Variants in NLRP4 observed in about 807,000 individuals in gnomAD.
The protein encoded by NLRP4 is NLR family pyrin domain containing 4.
Under a neutral mutation model 84.7 loss-of-function variants are expected in NLRP4, and 44 were observed. That is an observed-to-expected ratio of 0.52 (90% CI 0.41 to 0.67). The LOEUF is 0.67. Ranked by LOEUF, NLRP4 falls within the 30% of genes least tolerant of loss-of-function variation. The pLI is 0.00. For missense variants in NLRP4, 1,260 were observed against 1,219.4 expected (o/e 1.03, Z -0.50); for synonymous variants, 544 against 476.4 (o/e 1.14, Z -1.85).
rs1319991159 is a variant in NLRP4 at position 55,867,755 on chromosome 19, G to A, written c.2233G>A (p.Gly745Ser). ...ACCCATTGATTGTGAAGTCCTTGCT[G>A]GCCTTCTAACCAACAACAAGAAGCT... ...LSPIDCEVLA[G>S]LLTNNKKLTY... The change falls in exon 6 of 10, where the codon GGC becomes AGC. Residue 745 changes from glycine (G) to serine (S), a missense_variant. By Grantham distance (56) the Gly-to-Ser change is moderately conservative (BLOSUM62 0). This residue lies in a region of NLRP4 where 544 missense variants were observed against 531.7 expected (regional missense o/e 1.02). Transcript: ENST00000301295. The A allele has an allele frequency of 6.2e-7, 1 of 1,614,084 alleles. No individual in the cohort carries two copies. Among genetic ancestry groups the A allele is most frequent in the Non-Finnish European group, 8.5e-7 (1 of 1,179,948 alleles).
At chr19:55,849,338 A>G (rs890418444) in intron 1 of NLRP4, among the ~76,000 whole-genome samples, 1 of 152,206 alleles carries the variant, frequency 6.6e-6, no homozygotes, top group African/African-American at 2.4e-5. Context: ...AGGCCCTTGC[A>G]TGAGTGTGAC....
intron 3 of NLRP4, 47 bp downstream of exon 3, chr19:55,859,296 A>G (rs1176258858): frequency 6.7e-7 from 1 of 1,496,356 alleles, no homozygotes; most frequent in African/African-American, 1.4e-5. Flanking sequence ...ATCTGTCTGT[A>G]TTCCCAAGTG....
chr19:55,858,982 A>G lies in NLRP4; in HGVS notation c.1589A>G (p.Gln530Arg), dbSNP rs1445644079. The change falls in exon 3 of 10, where the codon CAA (glutamine) becomes CGA (arginine). Residue 530 changes from glutamine to arginine, a missense_variant. By Grantham distance (43) the Gln-to-Arg change is conservative. Coordinates refer to ENST00000301295, the MANE Select transcript of NLRP4 (RefSeq NM_134444.5). The surrounding 1 kb of genome is among the most constrained non-coding windows in gnomAD (Gnocchi z 4.2). ...CAACTGTCCCAAGAGATAAAGCAGCAAATTCACCAGTGCCTGAAGAGCTTA... is the reference window on the plus strand; with the variant it reads ...CAACTGTCCCAAGAGATAAAGCAGCGAATTCACCAGTGCCTGAAGAGCTTA... ...GFQLSQEIKQ[Q>R]IHQCLKSLGE... 3 of 1,614,236 alleles carry G rather than the reference A, an allele frequency of 1.9e-6. No homozygotes were observed. The highest frequency in any genetic ancestry group is 2.5e-6 in the Non-Finnish European group (3 of 1,180,036).
chr19:55,852,394 T>G (rs374839775), intron 2 of NLRP4, 34 bp downstream of exon 2: 3 of 1,464,192 alleles, frequency 2.0e-6, no homozygotes, highest in Non-Finnish European at 1.9e-6. Flanking sequence ...AGCCTTCTTA[T>G]AATGAGGACT....
intron 8 of NLRP4, among the ~76,000 whole-genome samples, chr19:55,878,400 A>G (rs1985448795): frequency 6.6e-6 from 1 of 152,204 alleles, no homozygotes; most frequent in African/African-American, 2.4e-5. Context: ...AGCCAGGATG[A>G]CAGAGACCCC....
At chr19:55,868,335 G>T (rs570712582) in intron 6 of NLRP4, among the ~76,000 whole-genome samples, 2 of 152,252 alleles carry the variant, frequency 1.3e-5, no homozygotes, top group South Asian at 4.1e-4. Flanking sequence ...GCAGTAATAG[G>T]ATGAGAAGAG....
At chr19:55,869,304 C>T (rs1045364028) in intron 6 of NLRP4, among the ~76,000 whole-genome samples, 5 of 151,372 alleles carry the variant, frequency 3.3e-5, no homozygotes, top group Admixed American at 6.6e-5. Flanking sequence ...GCAGAGGTTG[C>T]AGTGAGCCGA....
intron 1 of NLRP4, among the ~76,000 whole-genome samples, chr19:55,847,044 C>T (rs953891363): frequency 4.6e-5 from 7 of 152,108 alleles, no homozygotes; most frequent in African/African-American, 1.7e-4. Context: ...CATGCCTCAG[C>T]CTCCTGAGTA....
Position 55,858,738 on chromosome 19 carries a change from G to A in NLRP4, c.1345G>A (p.Val449Met), listed in dbSNP as rs774256211. 18 of 1,614,164 alleles carry A rather than the reference G, an allele frequency of 1.1e-5. No individual in the cohort carries two copies. Among genetic ancestry groups the A allele is most frequent in the Middle Eastern group, 1.6e-4 (1 of 6,062 alleles). ...LKYGERESSY[V>M]FLHVCIQEFC... ...GTACGGGGAGCGTGAGAGCTCCTACGTGTTCCTCCACGTGTGTATCCAGGA... is the reference window on the plus strand; with the variant it reads ...GTACGGGGAGCGTGAGAGCTCCTACATGTTCCTCCACGTGTGTATCCAGGA... Residue 449 changes from valine to methionine, a missense_variant, in exon 3 of 10, where the codon GTG (valine) becomes ATG (methionine). Transcript: ENST00000301295. The surrounding 1 kb of genome is among the most constrained non-coding windows in gnomAD (Gnocchi z 4.2).
At position 55,867,782 on chromosome 19, in the gene NLRP4, A is replaced by G. The variant is rs1477149751; in HGVS notation, c.2260A>G (p.Thr754Ala). Residue 754 changes from threonine to alanine, a missense_variant, in exon 6 of 10, where the codon ACG becomes GCG. Coordinates refer to ENST00000301295, the MANE Select transcript of NLRP4 (RefSeq NM_134444.5). ...AGLLTNNKKL[T>A]YLNVSCNQLD... Reference sequence around the variant, plus strand: ...CCTTCTAACCAACAACAAGAAGCTGACGTATCTGAATGTATCCTGCAACCA... The same window carrying G: ...CCTTCTAACCAACAACAAGAAGCTGGCGTATCTGAATGTATCCTGCAACCA... 1.2e-6 allele frequency: 2 copies of G among 1,614,126 alleles called. No individual in the cohort carries two copies. The highest frequency in any genetic ancestry group is 1.7e-5 in the Admixed American group (1 of 60,020).
rs369537303 is a variant in NLRP4, at chr19:55,845,604, C to T, written c.-65-6412C>T. 6.1e-3 allele frequency among the ~76,000 whole-genome samples: 932 copies of T among 151,598 alleles called. 9 individuals are homozygous for T. Among genetic ancestry groups the T allele is most frequent in the African/African-American group, 0.021 (850 of 41,182 alleles). Reference sequence around the variant, plus strand: ...CTAGATCCCTGAGGAATCACCACACCGACTTCCACAATGGTTGAACTAGTT... The same window carrying T: ...CTAGATCCCTGAGGAATCACCACACTGACTTCCACAATGGTTGAACTAGTT... On this transcript the variant is annotated intron_variant, in intron 1 of 9. Coordinates refer to ENST00000301295, the MANE Select transcript of NLRP4 (RefSeq NM_134444.5).
At chr19:55,859,352 C>A in intron 3 of NLRP4, 103 bp downstream of exon 3, 1 of 929,552 alleles carries the variant, frequency 1.1e-6, no homozygotes, top group East Asian at 2.5e-5. Flanking sequence ...GTTAGAAACT[C>A]ATTTTTTCTG....
chr19:55,851,908 A>C, intron 1 of NLRP4, 108 bp from the exon 2 acceptor site: 1 of 568,620 alleles, frequency 1.8e-6, no homozygotes. Flanking sequence ...GTAATTAAAT[A>C]ACTTTCCGCC....
chr19:55,861,336 G>C, intron 3 of NLRP4, 50 bp from the exon 4 acceptor site: 2 of 1,549,020 alleles, frequency 1.3e-6, no homozygotes, highest in Non-Finnish European at 8.9e-7. Context: ...GTTACAAGTG[G>C]CTCGTGTTGA....
chr19:55,866,183 A>G (rs1984948428), intron 5 of NLRP4, among the ~76,000 whole-genome samples: 1 of 151,946 alleles, frequency 6.6e-6, no homozygotes, highest in South Asian at 2.1e-4. Context: ...ACAGGTGCCC[A>G]CCACCATGCC....
At chr19:55,847,387 A>G (rs1983837816) in intron 1 of NLRP4, among the ~76,000 whole-genome samples, 1 of 152,334 alleles carries the variant, frequency 6.6e-6, no homozygotes, top group South Asian at 2.1e-4. Context: ...AAGCTAATTG[A>G]TTATCATGAA....
In NLRP4 at chr19:55,881,801, C is replaced by G. The variant is rs1985603791; in HGVS notation, c.*214C>G. ...TGAAAGGCCTTCATGGTCTCTCGGT[C>G]TCACAAGGACCTCTTAACCCCTCAA... On this transcript the variant is annotated 3_prime_UTR_variant, in exon 10 of 10. Coordinates refer to ENST00000301295, the MANE Select transcript of NLRP4 (RefSeq NM_134444.5). The G allele has an allele frequency of 2.6e-6, 1 of 384,536 alleles. No homozygotes were observed. Among genetic ancestry groups the G allele is most frequent in the African/African-American group, 2.1e-5 (1 of 48,294 alleles). The allele number at this position is 384,536 out of a possible 1,614,324, so 23.8% of individuals were successfully genotyped here.
intron 1 of NLRP4, among the ~76,000 whole-genome samples, chr19:55,843,833 TC>T (rs774105235): frequency 3.3e-5 from 5 of 152,108 alleles, no homozygotes; most frequent in Non-Finnish European, 5.9e-5. Flanking sequence ...CTACATCTGG[TC>T]CACAGTCTCT....
intron 6 of NLRP4, 41 bp from the exon 7 acceptor site, chr19:55,870,786 C>T (rs6509966): frequency 0.022 from 33,140 of 1,488,430 alleles, 1,474 homozygotes; most frequent in African/African-American, 0.17. Flanking sequence ...TGAGACACCA[C>T]GTCCCTCTTC....
Sources: gnomAD v4.1 joint callset for allele counts (sites outside exome capture counted in the v4.1 genomes callset) on GRCh38, gnomAD v4.1.1 for gene constraint, gnomAD v4.1.1 regional missense constraint, Gnocchi (gnomAD v3.1) non-coding constraint, MANE v1.5 for transcripts, NCBI Gene and HGNC (gene_info 2026-07-23, HGNC 2026-07-21) for gene names.